OR1S1: variants seen among roughly 807,000 people sequenced by gnomAD.
The protein encoded by OR1S1 is olfactory receptor 1S1.
For synonymous variants in OR1S1, 156 were observed against 143.9 expected (o/e 1.08, Z -0.60); for missense variants, 411 against 367.5 (o/e 1.12, Z -0.97).
chr11:58,214,353 C>A (rs774502878), intron 1 of OR1S1, among the ~76,000 whole-genome samples: 2 of 152,150 alleles, frequency 1.3e-5, no homozygotes, highest in African/African-American at 4.8e-5. Flanking sequence ...TTCACTTTCA[C>A]GAGACTTGAA....
rs1191159517 is a variant in OR1S1, at chr11:58,215,143, T to A, written c.360T>A (p.Tyr120Ter). 1 of 1,614,086 alleles carries A rather than the reference T, an allele frequency of 6.2e-7. No individual in the cohort carries two copies. Among genetic ancestry groups the A allele is most frequent in the African/African-American group, 1.3e-5 (1 of 75,036 alleles). ...ATTTGCTCTTGGGGACCATGGCCTA[T>A]GACCACTTTGTGGCGATCTGCCACC... Residue 120 changes from tyrosine (Y) to a stop codon, truncating the protein, a stop_gained, in exon 2 of 2, where the codon TAT becomes TAA. Transcript: ENST00000641544. LOFTEE classifies it low-confidence loss of function (END_TRUNC).
At chr11:58,214,200 C>A (rs1690450519) in intron 1 of OR1S1, among the ~76,000 whole-genome samples, 2 of 152,168 alleles carry the variant, frequency 1.3e-5, no homozygotes, top group Non-Finnish European at 1.5e-5. Flanking sequence ...AAGTAAAACC[C>A]TGGTTGCTCC....
In OR1S1 at chr11:58,213,816, G is replaced by C. The variant is rs1852865603; in HGVS notation, c.-55-913G>C. Among the ~76,000 whole-genome samples, 3 of 152,120 alleles carry C rather than the reference G, an allele frequency of 2.0e-5. No individual in the cohort carries two copies. In the South Asian group the frequency reaches 6.2e-4, roughly 32 times the overall value. Reference sequence around the variant, plus strand: ...TATGCGGTTCCCTGACAAGGGCAATGAATTATGTCCCTGATCTCTTTAAGA... The same window carrying C: ...TATGCGGTTCCCTGACAAGGGCAATCAATTATGTCCCTGATCTCTTTAAGA... On this transcript the variant is annotated intron_variant, in intron 1 of 1. Transcript: ENST00000641544.
exon 2 of OR1S1, chr11:58,214,850 C>G (rs1409927393): frequency 6.2e-7 from 1 of 1,614,040 alleles, no homozygotes; most frequent in South Asian, 1.1e-5. Context: ...GCAGGATGAG[C>G]ATCAAAACCT....
chr11:58,215,405 A>G, exon 2 of OR1S1: 6 of 1,614,062 alleles, frequency 3.7e-6, no homozygotes, highest in Non-Finnish European at 4.2e-6. Context: ...ATCAGTTATC[A>G]TCTTCCCCTT....
exon 2 of OR1S1, chr11:58,215,761 G>A (rs377421532): frequency 1.3e-6 from 2 of 1,581,440 alleles, no homozygotes; most frequent in Non-Finnish European, 1.7e-6. Context: ...CACATAATCA[G>A]ATAAATGATT....
At position 58,215,353 on chromosome 11, in the gene OR1S1, A is replaced by G. The variant is rs111951003; in HGVS notation, c.570A>G (p.Ser190=). The change falls in exon 2 of 2, where the codon TCA becomes TCG. Residue 190 remains serine, a synonymous_variant. Transcript: ENST00000641544. ...CCCCTCTGCTCAAACTGTCCTGTTC[A>G]GATACATTGATCAATGAGCTTGTGT... is the stretch of plus-strand genomic sequence containing the variant. 5 of 1,613,540 alleles carry G rather than the reference A, an allele frequency of 3.1e-6. No homozygotes were observed. In the African/African-American group the frequency reaches 4.0e-5, roughly 13 times the overall value.
chr11:58,214,866 T>C (rs200368470), exon 2 of OR1S1: 15 of 1,614,096 alleles, frequency 9.3e-6, no homozygotes, highest in Admixed American at 6.7e-5. Context: ...AACCTCCTCT[T>C]TGTGCTTTTC....
intron 1 of OR1S1, among the ~76,000 whole-genome samples, chr11:58,214,339 A>G (rs1022152164): frequency 6.6e-6 from 1 of 152,004 alleles, no homozygotes. Flanking sequence ...ACTTCCCCAA[A>G]CTCTTCACTT....
In OR1S1 at chr11:58,215,786, T is replaced by C. The variant is rs1211367059; in HGVS notation, c.*64T>C. 7.1e-6 allele frequency: 11 copies of C among 1,540,268 alleles called. No homozygotes were observed. In the Admixed American group the frequency reaches 2.0e-4, roughly 27 times the overall value. On this transcript the variant is annotated 3_prime_UTR_variant, in exon 2 of 2. Coordinates refer to ENST00000641544, the Ensembl canonical transcript of OR1S1. ...GATAAATGATTCAGCCCAGAGCGTA[T>C]GGCACAGTTGTGATGGTTCAACTTT...
rs762521771 is a variant in OR1S1 at position 58,214,908 on chromosome 11, A to T, written c.125A>T (p.Asn42Ile). ...ATGTACCTGGTCACTGTGATTGGGA[A>T]CGGGCTCATCATTGTGGCTATCAGC... Residue 42 changes from asparagine (N) to isoleucine (I), a missense_variant, in exon 2 of 2, where the codon AAC becomes ATC. Physicochemically the swap from Asn to Ile is moderately radical, Grantham distance 149. Coordinates refer to ENST00000641544, the Ensembl canonical transcript of OR1S1. 1.8e-5 allele frequency: 29 copies of T among 1,613,956 alleles called. No individual in the cohort carries two copies. Among genetic ancestry groups the T allele is most frequent in the Admixed American group, 8.3e-5 (5 of 59,998 alleles).
Position 58,213,379 on chromosome 11 carries a change from C to CTT in OR1S1, c.-56+543_-56+544insTT, listed in dbSNP as rs1048103234. On this transcript the variant is annotated intron_variant, in intron 1 of 1. Transcript: ENST00000641544. ...CACTTAAGGTTTTAAAAATGTTTAA[C>CTT]TGATACTGAAGACCCATTTCCAGGT... 2.2e-3 allele frequency among the ~76,000 whole-genome samples: 340 copies of CTT among 152,040 alleles called. 3 individuals carry two copies. Among genetic ancestry groups the CTT allele is most frequent in the African/African-American group, 7.6e-3 (317 of 41,488 alleles).
chr11:58,213,081 G>T (rs1391531918), intron 1 of OR1S1, among the ~76,000 whole-genome samples: 1 of 152,328 alleles, frequency 6.6e-6, no homozygotes, highest in East Asian at 1.9e-4. Context: ...AGAGACTTCA[G>T]ATCTCTGCTT....
At position 58,213,453 on chromosome 11, in the gene OR1S1, A is replaced by G. The variant is rs551057858; in HGVS notation, c.-56+616A>G. Reference sequence around the variant, plus strand: ...ATTTTAAACTTCAGCTTCACTATCAATTCAAAGCATGGGTCCTCCCTTGTG... The same window carrying G: ...ATTTTAAACTTCAGCTTCACTATCAGTTCAAAGCATGGGTCCTCCCTTGTG... On this transcript the variant is annotated intron_variant, in intron 1 of 1. Coordinates refer to ENST00000641544, the Ensembl canonical transcript of OR1S1. 6.6e-5 allele frequency among the ~76,000 whole-genome samples: 10 copies of G among 152,320 alleles called. No homozygotes were observed. The East Asian group carries it at 1.7e-3, about 26-fold the overall frequency.
At chr11:58,212,808 G>A (rs1854973088) in exon 1 of OR1S1, 1 of 152,268 alleles carries the variant, frequency 6.6e-6, no homozygotes, top group South Asian at 2.1e-4. Flanking sequence ...GTCACCTTAA[G>A]AATTCAGAAC....
exon 2 of OR1S1, chr11:58,215,734 T>G: frequency 6.2e-7 from 1 of 1,604,146 alleles, no homozygotes; most frequent in Middle Eastern, 1.7e-4. Context: ...GCCCTGGACC[T>G]CTACATTCTT....
chr11:58,215,814 A>T (rs1852932934), exon 2 of OR1S1: 2 of 1,455,284 alleles, frequency 1.4e-6, no homozygotes, highest in Admixed American at 4.4e-5. Flanking sequence ...TCAACTTTTG[A>T]TGAACTTGCA....
At position 58,215,076 on chromosome 11, in the gene OR1S1, T is replaced by A. The variant is rs778521846; in HGVS notation, c.293T>A (p.Ile98Asn). 8 of 1,614,168 alleles carry A rather than the reference T, an allele frequency of 5.0e-6. No homozygotes were observed. In the East Asian group the frequency reaches 1.8e-4, roughly 36 times the overall value. The change falls in exon 2 of 2, where the codon ATC (isoleucine) becomes AAC (asparagine). Residue 98 changes from isoleucine to asparagine, a missense_variant. Ile to Asn is a moderately radical substitution (Grantham distance 149). Transcript: ENST00000641544. The stretch of plus-strand genomic sequence containing the variant: ...CAATCCATCTCTTATGAGAGCTGCA[T>A]CACACAGATGTACTTTTCTATTGTG...
exon 2 of OR1S1, chr11:58,216,071 G>A (rs1590643950): frequency 4.5e-6 from 1 of 222,648 alleles, no homozygotes; most frequent in South Asian, 1.0e-4. Context: ...AATCATTAGG[G>A]GGACTATAGT....
Sources: gnomAD v4.1 joint callset for allele counts (sites outside exome capture counted in the v4.1 genomes callset) on GRCh38, gnomAD v4.1.1 for gene constraint, MANE v1.5 for transcripts, NCBI Gene and HGNC (gene_info 2026-07-23, HGNC 2026-07-21) for gene names.